The following ATG5 variants were observed in gnomAD, a reference collection of about 807,000 sequenced individuals.
ATG5 encodes the protein autophagy related 5.
A neutral mutation model predicts 36.5 loss-of-function variants in ATG5; 14 were observed. The observed-to-expected ratio is 0.38, with a 90% CI of 0.25 to 0.60. The LOEUF (loss-of-function observed/expected upper bound fraction) is 0.60. ATG5 is among the 20% of genes least tolerant of loss of function. ATG5 has a pLI of 0.60. For missense variants in ATG5, 195 were observed against 326.7 expected (o/e 0.60, Z 3.11); for synonymous variants, 95 against 101.5 (o/e 0.94, Z 0.38).
In ATG5 at chr6:106,266,011, G is replaced by A. The variant is rs147214742; in HGVS notation, c.478+13650C>T. Among the ~76,000 whole-genome samples the A allele has an allele frequency of 2.9e-3, 444 of 151,012 alleles. 2 individuals are homozygous for A. Among genetic ancestry groups the A allele is most frequent in the African/African-American group, 0.01 (415 of 41,220 alleles). On this transcript the variant is annotated intron_variant, in intron 5 of 7. Coordinates refer to ENST00000369076, the MANE Select transcript of ATG5 (RefSeq NM_004849.4). The stretch of plus-strand genomic sequence containing the variant: ...AATTAAGATCAGAGCAGAATTGAAG[G>A]AGATGGAGACATGAAAAACCCTCAA...
chr6:106,224,510 T>C (rs1308574419), intron 6 of ATG5, among the ~76,000 whole-genome samples: 1 of 152,080 alleles, frequency 6.6e-6, no homozygotes, highest in African/African-American at 2.4e-5. Context: ...AAGAAGTAGA[T>C]TATGTATTTG....
intron 7 of ATG5, among the ~76,000 whole-genome samples, chr6:106,200,979 T>A (rs140114093): frequency 2.4e-3 from 367 of 152,330 alleles, no homozygotes; most frequent in African/African-American, 8.5e-3. Context: ...TCAAGTCGCT[T>A]ATATAGAATG....
intron 6 of ATG5, among the ~76,000 whole-genome samples, chr6:106,216,347 C>G (rs976982067): frequency 1.3e-5 from 2 of 152,164 alleles, no homozygotes; most frequent in African/African-American, 4.8e-5. Context: ...TGGAGACAAT[C>G]CACATGTCTA....
At chr6:106,229,216 C>T (rs532946733) in intron 6 of ATG5, among the ~76,000 whole-genome samples, 81 of 152,372 alleles carry the variant, frequency 5.3e-4, no homozygotes, top group Non-Finnish European at 1.1e-3. Context: ...CTCTATGCTG[C>T]GCCCTTAGGC....
At chr6:106,261,062 A>G (rs1197992099) in intron 5 of ATG5, among the ~76,000 whole-genome samples, 1 of 152,214 alleles carries the variant, frequency 6.6e-6, no homozygotes, top group East Asian at 1.9e-4. Flanking sequence ...CTAGAAAGGT[A>G]ATAAAGGAAT....
chr6:106,317,525 T>C (rs1485449561), intron 1 of ATG5, among the ~76,000 whole-genome samples: 1 of 152,016 alleles, frequency 6.6e-6, no homozygotes, highest in Non-Finnish European at 1.5e-5. Context: ...CTGCAAGAGG[T>C]GGAAAAAATA....
Position 106,186,473 on chromosome 6 carries a change from C to T in ATG5, c.*67G>A. 1 of 1,576,090 alleles carries T rather than the reference C, an allele frequency of 6.3e-7. No individual in the cohort carries two copies. The highest frequency in any genetic ancestry group is 8.7e-7 in the Non-Finnish European group (1 of 1,151,550). ...TTGCCTCCACCAAACCTGATTGAAG[C>T]AAAAGGGTGACATGCTCTGATAAAT... On this transcript the variant is annotated 3_prime_UTR_variant, in exon 8 of 8. Coordinates refer to ENST00000369076, the MANE Select transcript of ATG5 (RefSeq NM_004849.4).
Position 106,243,904 on chromosome 6 carries a change from CTTTTTTTTTTT to C in ATG5, c.573+4235_573+4245del, listed in dbSNP as rs35701133. On this transcript the variant is annotated intron_variant, in intron 6 of 7. Transcript: ENST00000369076. ...AAAACAAAGATAAGTAGGAACCATCCTTTTTTTTTTTTTTTTTTTTTTTTTTTAAAGATAGG... is the reference window on the plus strand; with the variant it reads ...AAAACAAAGATAAGTAGGAACCATCCTTTTTTTTTTTTTTTTAAAGATAGG... 2.4e-4 allele frequency among the ~76,000 whole-genome samples: 13 copies of C among 54,936 alleles called. No individual in the cohort carries two copies. In the South Asian group the frequency reaches 8.5e-3, roughly 36 times the overall value. 36.0% of individuals were successfully genotyped at this position (54,936 alleles called of 152,430 possible).
intron 2 of ATG5, among the ~76,000 whole-genome samples, chr6:106,314,863 T>C (rs1770782118): frequency 6.6e-6 from 1 of 152,224 alleles, no homozygotes. Context: ...AGAAAACGGT[T>C]GATATTTCCA....
chr6:106,231,463 G>A (rs934399255), intron 6 of ATG5, among the ~76,000 whole-genome samples: 9 of 152,202 alleles, frequency 5.9e-5, no homozygotes, highest in Non-Finnish European at 1.0e-4. Context: ...CTGGGACACA[G>A]AATCAGAACA....
chr6:106,216,662 G>A (rs879576022), intron 6 of ATG5, among the ~76,000 whole-genome samples: 7 of 152,144 alleles, frequency 4.6e-5, no homozygotes, highest in African/African-American at 9.7e-5. Flanking sequence ...TCACGGGAAT[G>A]GTTGCACAAC....
chr6:106,240,877 G>A (rs1228131111), intron 6 of ATG5, among the ~76,000 whole-genome samples: 4 of 152,238 alleles, frequency 2.6e-5, no homozygotes, highest in Non-Finnish European at 2.9e-5. Flanking sequence ...ATTAGGCTGG[G>A]TGCGGTGGCT....
At chr6:106,238,692 C>T (rs1294997002) in intron 6 of ATG5, among the ~76,000 whole-genome samples, 2 of 152,124 alleles carry the variant, frequency 1.3e-5, no homozygotes, top group African/African-American at 2.4e-5. Flanking sequence ...AAAGAGACTT[C>T]GACCAAGAGC....
chr6:106,314,724 GA>G (rs71006676), intron 2 of ATG5, among the ~76,000 whole-genome samples: 24 of 147,676 alleles, frequency 1.6e-4, no homozygotes, highest in Admixed American at 8.1e-4. Flanking sequence ...AACTTGTTTG[GA>G]AAAAAAAAAT....
intron 7 of ATG5, among the ~76,000 whole-genome samples, chr6:106,200,757 C>T (rs956801965): frequency 6.6e-6 from 1 of 152,114 alleles, no homozygotes; most frequent in African/African-American, 2.4e-5. Flanking sequence ...TAGGATTACG[C>T]GTGAGCCACC....
chr6:106,241,180 A>G (rs1778110396), intron 6 of ATG5, among the ~76,000 whole-genome samples: 2 of 152,094 alleles, frequency 1.3e-5, no homozygotes, highest in South Asian at 4.1e-4. Context: ...AAACCCTACA[A>G]CTCATCAACA....
chr6:106,266,174 G>C (rs1382566692), intron 5 of ATG5, among the ~76,000 whole-genome samples: 1 of 152,134 alleles, frequency 6.6e-6, no homozygotes, highest in Non-Finnish European at 1.5e-5. Context: ...TATCATCACT[G>C]ATCTCACAAA....
intron 3 of ATG5, among the ~76,000 whole-genome samples, chr6:106,297,384 T>C (rs924794845): frequency 6.6e-6 from 1 of 152,190 alleles, no homozygotes; most frequent in East Asian, 1.9e-4. Context: ...CTAATTGGTG[T>C]TGATTCACAT....
At chr6:106,315,645 A>T (rs1339509753) in intron 2 of ATG5, among the ~76,000 whole-genome samples, 2 of 152,120 alleles carry the variant, frequency 1.3e-5, no homozygotes, top group East Asian at 3.9e-4. Flanking sequence ...ATGTTCTTTA[A>T]GCTATAAAAA....
Sources: gnomAD v4.1 joint callset for allele counts (sites outside exome capture counted in the v4.1 genomes callset) on GRCh38, gnomAD v4.1.1 for gene constraint, MANE v1.5 for transcripts, NCBI Gene and HGNC (gene_info 2026-07-23, HGNC 2026-07-21) for gene names.